PLEKHM3: variants seen among roughly 807,000 people sequenced by gnomAD.
PLEKHM3 encodes the protein pleckstrin homology domain containing M3.
In PLEKHM3, 45 loss-of-function variants were observed where a neutral mutation model predicts 81.8. The observed-to-expected ratio is 0.55, with a 90% CI of 0.43 to 0.71. The LOEUF is 0.71. Ranked by LOEUF, PLEKHM3 falls within the 30% of genes least tolerant of loss-of-function variation. The pLI is 0.00. For missense variants in PLEKHM3, 788 were observed against 924.3 expected (o/e 0.85, Z 1.91); for synonymous variants, 352 against 356.4 (o/e 0.99, Z 0.14).
intron 5 of PLEKHM3, among the ~76,000 whole-genome samples, chr2:207,909,820 G>C (rs552641473): frequency 6.6e-6 from 1 of 152,248 alleles, no homozygotes; most frequent in South Asian, 2.1e-4. Flanking sequence ...CTTGCTCACT[G>C]GGAAAATCAT....
chr2:207,893,380 G>A (rs1688124287), intron 6 of PLEKHM3, among the ~76,000 whole-genome samples: 1 of 152,184 alleles, frequency 6.6e-6, no homozygotes, highest in African/African-American at 2.4e-5. Flanking sequence ...ACTAAAAGCT[G>A]AGTGGTCAAC....
At chr2:207,861,696 G>GT (rs1338205832) in intron 6 of PLEKHM3, among the ~76,000 whole-genome samples, 2 of 152,136 alleles carry the variant, frequency 1.3e-5, no homozygotes, top group African/African-American at 2.4e-5. Flanking sequence ...TAATGGGATA[G>GT]TTTTTTCACC....
chr2:208,016,961 T>C (rs919496859), intron 1 of PLEKHM3, among the ~76,000 whole-genome samples: 2 of 152,192 alleles, frequency 1.3e-5, no homozygotes, highest in Admixed American at 6.5e-5. Flanking sequence ...AATTATGCAA[T>C]ATTTGCATAT....
At chr2:207,919,039 A>G (rs771802205) in intron 5 of PLEKHM3, among the ~76,000 whole-genome samples, 21 of 152,224 alleles carry the variant, frequency 1.4e-4, no homozygotes, top group Non-Finnish European at 2.9e-4. Context: ...CTGTGTTGCC[A>G]TTTAAAACAC....
At chr2:207,950,310 A>T (rs1463102657) in intron 3 of PLEKHM3, among the ~76,000 whole-genome samples, 1 of 152,228 alleles carries the variant, frequency 6.6e-6, no homozygotes, top group Non-Finnish European at 1.5e-5. Context: ...GACCGTCACT[A>T]GTCTAAAGGC....
At chr2:207,974,747 AT>A (rs1471859590) in intron 3 of PLEKHM3, among the ~76,000 whole-genome samples, 1 of 152,114 alleles carries the variant, frequency 6.6e-6, no homozygotes, top group Non-Finnish European at 1.5e-5. Context: ...GTATCTCATC[AT>A]TTCAAAACCA....
intron 6 of PLEKHM3, among the ~76,000 whole-genome samples, chr2:207,902,168 C>A (rs913595237): frequency 6.6e-6 from 1 of 152,144 alleles, no homozygotes; most frequent in Non-Finnish European, 1.5e-5. Flanking sequence ...GATGTCAACC[C>A]CTGTGTGAAT....
chr2:207,891,987 C>A (rs1002376584), intron 6 of PLEKHM3, among the ~76,000 whole-genome samples: 2 of 152,146 alleles, frequency 1.3e-5, no homozygotes, highest in African/African-American at 2.4e-5. Context: ...TAAAATGGTA[C>A]CCTCTTGGGC....
chr2:207,902,772 T>C (rs761294278), intron 6 of PLEKHM3, among the ~76,000 whole-genome samples: 3 of 152,050 alleles, frequency 2.0e-5, no homozygotes, highest in Non-Finnish European at 2.9e-5. Context: ...GAGTTCACGA[T>C]AGTATATGTA....
Position 207,876,228 on chromosome 2 carries a change from C to G in PLEKHM3, c.1951-14966G>C, listed in dbSNP as rs1480337115. On this transcript the variant is annotated intron_variant, in intron 6 of 7. Transcript: ENST00000427836. Reference sequence around the variant, plus strand: ...TACAGGTGTGAGCCATTGCACCTGGCTGATTTTTAAATAATGAATATGAAT... The same window carrying G: ...TACAGGTGTGAGCCATTGCACCTGGGTGATTTTTAAATAATGAATATGAAT... Among the ~76,000 whole-genome samples the G allele has an allele frequency of 2.6e-5, 4 of 151,880 alleles. No individual in the cohort carries two copies. In the East Asian group the frequency reaches 7.7e-4, roughly 29 times the overall value.
chr2:207,902,847 TCCACCCAC>T (rs56924343), intron 6 of PLEKHM3, among the ~76,000 whole-genome samples: 2 of 26,420 alleles, frequency 7.6e-5, no homozygotes, highest in African/African-American at 1.4e-4. Flanking sequence ...CACCCACCCA[TCCACCCAC>T]CCATCCATCC....
intron 1 of PLEKHM3, among the ~76,000 whole-genome samples, chr2:208,022,025 CT>C (rs1396975255): frequency 5.9e-5 from 9 of 152,130 alleles, no homozygotes; most frequent in African/African-American, 2.2e-4. Context: ...TAAAATATTT[CT>C]GATAAATTCC....
chr2:207,905,697 C>T (rs1019717946), intron 6 of PLEKHM3, among the ~76,000 whole-genome samples: 1 of 152,118 alleles, frequency 6.6e-6, no homozygotes, highest in Admixed American at 6.5e-5. Context: ...GTTTGGGGCT[C>T]TTAAAGCCAG....
chr2:207,897,764 G>C (rs1341897143), intron 6 of PLEKHM3, among the ~76,000 whole-genome samples: 2 of 152,164 alleles, frequency 1.3e-5, no homozygotes, highest in African/African-American at 2.4e-5. Flanking sequence ...AAAAGCTCCT[G>C]ACAGCCATCT....
rs530080765 is a variant in PLEKHM3 at position 207,834,079 on chromosome 2, A to G, written c.2109-5583T>C. ...TTAAGAAGTCAATATCAGTGACGCA[A>G]TGCTGTGCATCACTGTCACTCCCTA... On this transcript the variant is annotated intron_variant, in intron 7 of 7. Coordinates refer to ENST00000427836, the MANE Select transcript of PLEKHM3 (RefSeq NM_001080475.3). Among the ~76,000 whole-genome samples the G allele has an allele frequency of 3.2e-4, 49 of 151,962 alleles. 2 individuals carry two copies. The highest frequency in any genetic ancestry group is 1.0e-3 in the African/African-American group (43 of 41,408).
At chr2:207,860,993 C>T in intron 7 of PLEKHM3, 112 bp downstream of exon 7, 1 of 1,255,154 alleles carries the variant, frequency 8.0e-7, no homozygotes, top group Non-Finnish European at 1.1e-6. Flanking sequence ...AAAACCTGAT[C>T]CAGGGTAAGA....
intron 6 of PLEKHM3, among the ~76,000 whole-genome samples, chr2:207,869,479 T>A (rs2092521075): frequency 6.6e-6 from 1 of 152,222 alleles, no homozygotes; most frequent in African/African-American, 2.4e-5. Context: ...CCATTAAACT[T>A]AATGTCTTGT....
intron 4 of PLEKHM3, among the ~76,000 whole-genome samples, chr2:207,933,944 C>T (rs1418003393): frequency 6.6e-6 from 1 of 152,112 alleles, no homozygotes; most frequent in Non-Finnish European, 1.5e-5. Flanking sequence ...CACTAATAAT[C>T]GGTGAGGGAA....
intron 3 of PLEKHM3, among the ~76,000 whole-genome samples, chr2:207,969,122 G>A (rs898931376): frequency 6.6e-6 from 1 of 152,176 alleles, no homozygotes; most frequent in Non-Finnish European, 1.5e-5. Flanking sequence ...GGCTACTAAA[G>A]GACCCCCCAA....
Sources: allele counts gnomAD v4.1 joint callset (sites outside exome capture counted in the v4.1 genomes callset), GRCh38; gene constraint gnomAD v4.1.1; transcripts MANE v1.5; gene names NCBI Gene and HGNC (gene_info 2026-07-23, HGNC 2026-07-21).